GRM5: variants seen among roughly 807,000 people sequenced by gnomAD.
The protein encoded by GRM5 is glutamate metabotropic receptor 5.
GRM5 carries 19 observed loss-of-function variants against 83.1 expected under a neutral mutation model. The observed-to-expected ratio is 0.23, with a 90% confidence interval of 0.16 to 0.34. The LOEUF (loss-of-function observed/expected upper bound fraction) is 0.34, where lower values mean the gene tolerates loss of function less well. Ranked by LOEUF, GRM5 falls within the 10% of genes least tolerant of loss-of-function variation. The pLI, the probability that GRM5 is intolerant of heterozygous loss-of-function variation, is 1.00. For synonymous variants in GRM5, 675 were observed against 633.6 expected (o/e 1.07, Z -0.98); for missense variants, 1,160 against 1,588.3 (o/e 0.73, Z 4.58).
intron 3 of GRM5, among the ~76,000 whole-genome samples, chr11:88,681,256 T>C (rs1225102130): frequency 2.6e-5 from 4 of 152,160 alleles, no homozygotes; most frequent in Non-Finnish European, 5.9e-5. Context: ...TCTGTTTACT[T>C]TCAAACTTGT....
At chr11:88,758,617 T>A (rs532448310) in intron 3 of GRM5, among the ~76,000 whole-genome samples, 6 of 152,194 alleles carry the variant, frequency 3.9e-5, no homozygotes, top group Admixed American at 3.9e-4. Flanking sequence ...CTAAGATTCA[T>A]TGGTGTTCTC....
In GRM5 at chr11:88,959,412, A is replaced by G. The variant is rs187374538; in HGVS notation, c.661+87800T>C. The stretch of plus-strand genomic sequence containing the variant: ...CCAGATTTTGTCATTTTTAATGTTC[A>G]GATGCTGAACATAAAATATAAACAT... On this transcript the variant is annotated intron_variant, in intron 2 of 9. Coordinates refer to ENST00000305447, the MANE Select transcript of GRM5 (RefSeq NM_001143831.3). 4.1e-3 allele frequency among the ~76,000 whole-genome samples: 629 copies of G among 151,966 alleles called. 2 individuals are homozygous for G. The highest frequency in any genetic ancestry group is 0.012 in the South Asian group (58 of 4,826).
chr11:88,798,471 T>A (rs373171159), intron 3 of GRM5, among the ~76,000 whole-genome samples: 1 of 152,234 alleles, frequency 6.6e-6, no homozygotes, highest in South Asian at 2.1e-4. Flanking sequence ...TCAAGGAAAT[T>A]CTACAAGGCT....
chr11:88,684,616 A>G (rs12290410), intron 3 of GRM5, among the ~76,000 whole-genome samples: 84,903 of 152,036 alleles, frequency 0.56, 26,579 homozygotes, highest in South Asian at 0.8. Flanking sequence ...GTTTAGAGGC[A>G]TAGACTCCAA....
intron 9 of GRM5, among the ~76,000 whole-genome samples, chr11:88,513,817 T>C (rs1156319587): frequency 6.6e-6 from 1 of 152,136 alleles, no homozygotes; most frequent in Non-Finnish European, 1.5e-5. Context: ...AAAAGGATAA[T>C]ACATATGAGG....
intron 2 of GRM5, among the ~76,000 whole-genome samples, chr11:89,002,827 C>A (rs558785885): frequency 5.3e-5 from 8 of 152,024 alleles, no homozygotes; most frequent in African/African-American, 1.2e-4. Context: ...CCCCAGAGAG[C>A]CACCTAGGGA....
chr11:88,719,106 C>A (rs968538636), intron 3 of GRM5, among the ~76,000 whole-genome samples: 1 of 151,622 alleles, frequency 6.6e-6, no homozygotes, highest in African/African-American at 2.4e-5. Context: ...GGTACAAGTG[C>A]AGGTTTGTTA....
Position 89,048,060 on chromosome 11 carries a change from T to C in GRM5, c.-188A>G, listed in dbSNP as rs201704933. The C allele has an allele frequency of 3.3e-4, 193 of 577,588 alleles. 1 individual carries two copies. The highest frequency in any genetic ancestry group is 3.3e-3 in the African/African-American group (174 of 52,300). The allele number at this position is 577,588 out of a possible 1,614,324, so 35.8% of individuals were successfully genotyped here. A position where few individuals can be genotyped will look rare whatever the true frequency, so the allele number is the denominator to read the frequency against. On this transcript the variant is annotated 5_prime_UTR_variant, in exon 2 of 10. The change abolishes an upstream ATG in the 5' untranslated region. Coordinates refer to ENST00000305447, the MANE Select transcript of GRM5 (RefSeq NM_001143831.3). ...TTTAGTTAGATGATCCATGTGGTCA[T>C]GATCTTCTAAACCTGAAAAAAAAAA...
At chr11:88,710,255 T>C (rs780705337) in intron 3 of GRM5, among the ~76,000 whole-genome samples, 3 of 152,066 alleles carry the variant, frequency 2.0e-5, no homozygotes, top group Non-Finnish European at 4.4e-5. Flanking sequence ...AGAAAGAACA[T>C]ATTGACAACA....
In GRM5 at chr11:88,640,966, G is replaced by A. The variant is rs117326160; in HGVS notation, c.1147+12202C>T. On this transcript the variant is annotated intron_variant, in intron 4 of 9. Transcript: ENST00000305447. ...GGACAAAAAGTGTAGATTCTTCTTGGCTTCTGTGTTGGGGGTTCTTGAATT... is the reference window on the plus strand; with the variant it reads ...GGACAAAAAGTGTAGATTCTTCTTGACTTCTGTGTTGGGGGTTCTTGAATT... 1.0e-2 allele frequency among the ~76,000 whole-genome samples: 1,510 copies of A among 151,284 alleles called. 25 individuals carry two copies. The highest frequency in any genetic ancestry group is 0.033 in the African/African-American group (1,340 of 41,204).
chr11:88,559,858 G>A (rs557934480), intron 8 of GRM5, among the ~76,000 whole-genome samples: 1 of 152,210 alleles, frequency 6.6e-6, no homozygotes, highest in East Asian at 1.9e-4. Flanking sequence ...ATTCTAACGT[G>A]GGATGATAAA....
At chr11:88,839,738 C>T (rs1164101100) in intron 3 of GRM5, among the ~76,000 whole-genome samples, 1 of 152,180 alleles carries the variant, frequency 6.6e-6, no homozygotes, top group African/African-American at 2.4e-5. Flanking sequence ...GTTACACAGT[C>T]AAATATCTAT....
intron 6 of GRM5, 86 bp from the exon 7 acceptor site, chr11:88,590,813 C>G (rs1937627403): frequency 2.2e-6 from 2 of 910,098 alleles, no homozygotes; most frequent in African/African-American, 3.3e-5. Context: ...TTTTGCAAAG[C>G]AGAAAGGCCT....
chr11:88,777,058 C>T (rs931432939), intron 3 of GRM5, among the ~76,000 whole-genome samples: 2 of 152,170 alleles, frequency 1.3e-5, no homozygotes, highest in Non-Finnish European at 2.9e-5. Context: ...CCATTCTCCC[C>T]CTCACTTTCA....
At chr11:88,806,941 A>C (rs964629237) in intron 3 of GRM5, among the ~76,000 whole-genome samples, 2 of 152,202 alleles carry the variant, frequency 1.3e-5, no homozygotes, top group Non-Finnish European at 2.9e-5. Flanking sequence ...CAAGACAATG[A>C]TTATCTTCTT....
chr11:88,785,718 G>A (rs1943056373), intron 3 of GRM5, among the ~76,000 whole-genome samples: 1 of 152,104 alleles, frequency 6.6e-6, no homozygotes, highest in Admixed American at 6.6e-5. Context: ...GACTGATGAA[G>A]TGAAGCCTCA....
At chr11:88,984,919 T>A (rs775925785) in intron 2 of GRM5, 4 of 611,712 alleles carry the variant, frequency 6.5e-6, no homozygotes, top group African/African-American at 1.9e-5. Context: ...TCAATGATAT[T>A]TTTAAATGCC....
At chr11:88,633,444 T>C (rs1337220151) in intron 4 of GRM5, among the ~76,000 whole-genome samples, 1 of 152,182 alleles carries the variant, frequency 6.6e-6, no homozygotes, top group Non-Finnish European at 1.5e-5. Flanking sequence ...AGGTCATGAA[T>C]GGGTTTTCAT....
chr11:88,914,406 A>C (rs1373867471), intron 2 of GRM5, among the ~76,000 whole-genome samples: 3 of 152,218 alleles, frequency 2.0e-5, no homozygotes, highest in Admixed American at 6.5e-5. Flanking sequence ...GATTCTTGTG[A>C]GAGATCAAAG....
Sources: allele counts gnomAD v4.1 joint callset (sites outside exome capture counted in the v4.1 genomes callset), GRCh38; gene constraint gnomAD v4.1.1; transcripts MANE v1.5; gene names NCBI Gene and HGNC (gene_info 2026-07-23, HGNC 2026-07-21).